Variants in PPARD observed in about 807,000 individuals in gnomAD.
PPARD encodes the protein peroxisome proliferator-activated receptor delta.
In PPARD, 6 loss-of-function variants were observed where a neutral mutation model predicts 39.5. The ratio of observed to expected loss-of-function variants is 0.15; its 90% CI spans 0.08 to 0.30. PPARD has a LOEUF of 0.30. Ranked by LOEUF, PPARD falls within the 10% of genes least tolerant of loss-of-function variation. The pLI is 1.00. For missense variants in PPARD, 397 were observed against 596.8 expected, an observed-to-expected ratio of 0.67 and a Z score of 3.49; for synonymous variants, 210 against 231.3, an observed-to-expected ratio of 0.91 and a Z score of 0.83.
At chr6:35,370,369 G>T (rs1038102821) in intron 2 of PPARD, among the ~76,000 whole-genome samples, 2 of 152,200 alleles carry the variant, frequency 1.3e-5, no homozygotes, top group African/African-American at 4.8e-5. Context: ...AGTGAGTAGA[G>T]TTGGGTGGAT....
At chr6:35,402,989 G>T (rs994079166) in intron 2 of PPARD, among the ~76,000 whole-genome samples, 2 of 152,168 alleles carry the variant, frequency 1.3e-5, no homozygotes, top group African/African-American at 4.8e-5. Context: ...GGAGGAAGGA[G>T]GTGACAGCAA....
At chr6:35,369,511 T>A (rs147231622) in intron 2 of PPARD, among the ~76,000 whole-genome samples, 1 of 152,224 alleles carries the variant, frequency 6.6e-6, no homozygotes, top group Admixed American at 6.5e-5. Context: ...CTGCTTTCTC[T>A]ACGTACAGAT....
At chr6:35,387,643 C>G (rs535078110) in intron 2 of PPARD, among the ~76,000 whole-genome samples, 72 of 150,602 alleles carry the variant, frequency 4.8e-4, no homozygotes, top group African/African-American at 1.7e-3. Flanking sequence ...GCTCTGACAC[C>G]TAGTTGGTTT....
intron 2 of PPARD, among the ~76,000 whole-genome samples, chr6:35,374,230 C>G (rs914495307): frequency 4.0e-5 from 6 of 148,350 alleles, no homozygotes; most frequent in African/African-American, 1.6e-4. Context: ...CATCACCCAG[C>G]AGGAGCAGAA....
chr6:35,406,821 G>A (rs1765083599), intron 2 of PPARD, among the ~76,000 whole-genome samples: 2 of 152,230 alleles, frequency 1.3e-5, no homozygotes, highest in Admixed American at 1.3e-4. Flanking sequence ...GGGAGTGGGA[G>A]CTGAGGCTCT....
intron 2 of PPARD, among the ~76,000 whole-genome samples, chr6:35,370,721 C>T (rs975105918): frequency 7.9e-5 from 12 of 152,320 alleles, no homozygotes; most frequent in African/African-American, 2.4e-4. Context: ...AGCAGCCTCT[C>T]GCTCATGGGT....
At chr6:35,376,367 T>G (rs2150565090) in intron 2 of PPARD, among the ~76,000 whole-genome samples, 1 of 152,344 alleles carries the variant, frequency 6.6e-6, no homozygotes, top group African/African-American at 2.4e-5. Context: ...CCTTTATCTG[T>G]TTAATCATCC....
intron 2 of PPARD, among the ~76,000 whole-genome samples, chr6:35,348,110 G>C (rs1207343632): frequency 6.6e-6 from 1 of 151,892 alleles, no homozygotes; most frequent in African/African-American, 2.4e-5. Flanking sequence ...GTTTCACCAT[G>C]TTAGCCAGAC....
Position 35,420,235 on chromosome 6 carries a change from A to G in PPARD, c.239A>G (p.Lys80Arg). 1.2e-6 allele frequency: 2 copies of G among 1,606,564 alleles called. No individual in the cohort carries two copies. The highest frequency in any genetic ancestry group is 1.1e-5 in the South Asian group (1 of 89,730). ...LNMECRVCGDKASGFHYGVHA... is the reference protein window; with the variant it reads ...LNMECRVCGDRASGFHYGVHA... ...ATGGAGTGCCGGGTGTGCGGGGACA[A>G]GGCATCGGGCTTCCACTACGGTGTT... The change falls in exon 4 of 8, where the codon AAG (lysine) becomes AGG (arginine). Residue 80 changes from lysine (K) to arginine (R), a missense_variant. Coordinates refer to ENST00000360694, the MANE Select transcript of PPARD (RefSeq NM_006238.5).
At chr6:35,382,957 A>G (rs1463166802) in intron 2 of PPARD, among the ~76,000 whole-genome samples, 2 of 152,224 alleles carry the variant, frequency 1.3e-5, no homozygotes, top group African/African-American at 4.8e-5. Flanking sequence ...CTAGCCCACT[A>G]GCCCACTGGG....
Position 35,366,695 on chromosome 6 carries a change from G to A in PPARD, c.-102+19545G>A, listed in dbSNP as rs191017223. The stretch of plus-strand genomic sequence containing the variant: ...CTCCTTAGTGGCTGTGACTACAGGC[G>A]TGTACCACCATGCCTGGCTAATTTT... On this transcript the variant is annotated intron_variant, in intron 2 of 7. Transcript: ENST00000360694. The surrounding 1 kb of genome is among the most constrained non-coding windows in gnomAD (Gnocchi z 4.6). 3.4e-4 allele frequency among the ~76,000 whole-genome samples: 51 copies of A among 152,078 alleles called. No homozygotes were observed. The highest frequency in any genetic ancestry group is 6.9e-4 in the Non-Finnish European group (47 of 68,008).
chr6:35,349,319 C>G (rs1441097234), intron 2 of PPARD, among the ~76,000 whole-genome samples: 6 of 152,236 alleles, frequency 3.9e-5, no homozygotes, highest in Non-Finnish European at 4.4e-5. Context: ...GCCACCGCGC[C>G]CGGCCTCTTC....
At chr6:35,391,146 A>T (rs1763980100) in intron 2 of PPARD, among the ~76,000 whole-genome samples, 1 of 152,264 alleles carries the variant, frequency 6.6e-6, no homozygotes, top group South Asian at 2.1e-4. Context: ...TATCTGATAT[A>T]GACATCTGAT....
At chr6:35,405,565 CAA>C (rs749211082) in intron 2 of PPARD, among the ~76,000 whole-genome samples, 12 of 125,276 alleles carry the variant, frequency 9.6e-5, no homozygotes, top group African/African-American at 1.2e-4. Context: ...GGAGCCAGAC[CAA>C]AAAAAAAAAA....
intron 2 of PPARD, among the ~76,000 whole-genome samples, chr6:35,393,110 G>T (rs1297878252): frequency 6.6e-6 from 1 of 152,204 alleles, no homozygotes; most frequent in Non-Finnish European, 1.5e-5. Context: ...AGGGCCAGTG[G>T]CTTGGTGAGG....
chr6:35,370,284 C>T (rs989056597), intron 2 of PPARD, among the ~76,000 whole-genome samples: 33 of 152,110 alleles, frequency 2.2e-4, no homozygotes, highest in African/African-American at 6.8e-4. Flanking sequence ...GGTATTGTAT[C>T]GTTTCCTGTT....
At chr6:35,369,873 T>C (rs1762392265) in intron 2 of PPARD, among the ~76,000 whole-genome samples, 1 of 152,232 alleles carries the variant, frequency 6.6e-6, no homozygotes. Context: ...ACAGTCACCT[T>C]CTCTGTCTCC....
At chr6:35,385,577 T>A (rs1763584109) in intron 2 of PPARD, among the ~76,000 whole-genome samples, 1 of 136,376 alleles carries the variant, frequency 7.3e-6, no homozygotes. Context: ...TCCACTATTG[T>A]CCTATGACCC....
At chr6:35,367,326 C>G (rs1762259347) in intron 2 of PPARD, among the ~76,000 whole-genome samples, 1 of 152,104 alleles carries the variant, frequency 6.6e-6, no homozygotes, top group African/African-American at 2.4e-5. Context: ...CAAAAAGACT[C>G]TAAATGTGGA....
Sources: gnomAD v4.1 joint callset for allele counts (sites outside exome capture counted in the v4.1 genomes callset) on GRCh38, gnomAD v4.1.1 for gene constraint, Gnocchi (gnomAD v3.1) non-coding constraint, MANE v1.5 for transcripts, NCBI Gene and HGNC (gene_info 2026-07-23, HGNC 2026-07-21) for gene names.